Variants in FHL1 observed in about 807,000 individuals in gnomAD.
The protein encoded by FHL1 is four and a half LIM domains protein 1.
A neutral mutation model predicts 20.3 loss-of-function variants in FHL1; 1 was observed. That is an observed-to-expected ratio of 0.05 (90% CI 0.02 to 0.23). FHL1 has a LOEUF of 0.23. FHL1 is among the 10% of genes least tolerant of loss of function. The pLI, the probability that FHL1 is intolerant of heterozygous loss-of-function variation, is 1.00. For missense variants in FHL1, 177 were observed against 234.0 expected (o/e 0.76, Z 1.59); for synonymous variants, 82 against 88.9 (o/e 0.92, Z 0.44).
At chrX:136,165,177 CTTGT>C (rs1237138874), upstream of FHL1, among the ~76,000 whole-genome samples, 6 of 111,365 alleles carry the variant, frequency 5.4e-5, no homozygotes, top group Non-Finnish European at 9.4e-5. Context: ...CCAGTTTTTG[CTTGT>C]TTATTAAATG....
chrX:136,181,994 T>C (rs1188343436), intron 2 of FHL1, among the ~76,000 whole-genome samples: 1 of 112,390 alleles, frequency 8.9e-6, no homozygotes, highest in Non-Finnish European at 1.9e-5. Context: ...TAAATTGCTA[T>C]AGAATGCTGT....
At chrX:136,194,550 T>G (rs1349680081), upstream of FHL1, among the ~76,000 whole-genome samples, 1 of 111,636 alleles carries the variant, frequency 9.0e-6, no homozygotes, top group Non-Finnish European at 1.9e-5. Flanking sequence ...CTAGAAGGCC[T>G]GAAATGTAAC....
intron 2 of FHL1, among the ~76,000 whole-genome samples, chrX:136,179,088 G>T (rs1014498262): frequency 6.3e-5 from 7 of 111,947 alleles, no homozygotes; most frequent in Non-Finnish European, 1.1e-4. Context: ...ATTCATTAGG[G>T]CTACAAATTC....
intron 2 of FHL1, among the ~76,000 whole-genome samples, chrX:136,175,219 G>GA (rs1569528980): frequency 8.9e-6 from 1 of 112,252 alleles, no homozygotes; most frequent in East Asian, 2.8e-4. Context: ...GAAATGCATG[G>GA]AAAACACTCA....
chrX:136,204,925 A>G (rs1284205796), intron 1 of FHL1: 1 of 112,396 alleles, frequency 8.9e-6, no homozygotes, highest in Non-Finnish European at 1.9e-5. Context: ...GCTTTCAGTT[A>G]GTGGAAGAGC....
At position 136,207,887 on chromosome X, in the gene FHL1, C is replaced by T; in HGVS notation, c.475C>T (p.Pro159Ser). ...KQVIGTGSFF[P>S]KGEDFYCVTC... ...AGTCATCGGGACTGGAAGCTTCTTCCCTAAAGGGGAGGACTTCTACTGCGT... is the reference window on the plus strand; with the variant it reads ...AGTCATCGGGACTGGAAGCTTCTTCTCTAAAGGGGAGGACTTCTACTGCGT... Residue 159 changes from proline (P) to serine (S), a missense_variant, in exon 4 of 6, where the codon CCT (proline) becomes TCT (serine). Pro to Ser is a moderately conservative substitution (Grantham distance 74). Coordinates refer to ENST00000370683, the MANE Select transcript of FHL1 (RefSeq NM_001159699.2). 8.3e-7 allele frequency: 1 copy of T among 1,212,068 alleles called. No individual in the cohort carries two copies. The highest frequency in any genetic ancestry group is 1.1e-6 in the Non-Finnish European group (1 of 895,494).
intron 2 of FHL1, among the ~76,000 whole-genome samples, chrX:136,177,192 G>T (rs1370227444): frequency 8.9e-6 from 1 of 111,904 alleles, no homozygotes; most frequent in African/African-American, 3.2e-5. Context: ...TTTTTTAAAA[G>T]TATCTCCTTT....
chrX:136,206,479 GGAA>G lies in FHL1; in HGVS notation c.100_102del (p.Lys34del). Reference sequence around the variant, plus strand: ...CACTACTGCAGGGATCCCTTGCAGGGGAAGAAGTATGTGCAAAAGGATGGCCAC... The same window carrying G: ...CACTACTGCAGGGATCCCTTGCAGGGGAAGTATGTGCAAAAGGATGGCCAC... On this transcript the variant is annotated inframe_deletion, in exon 2 of 6. Transcript: ENST00000370683. 8.2e-7 allele frequency: 1 copy of G among 1,212,425 alleles called. No homozygotes were observed. Among genetic ancestry groups the G allele is most frequent in the Non-Finnish European group, 1.1e-6 (1 of 895,659 alleles).
At position 136,207,851 on chromosome X, in the gene FHL1, A is replaced by G. The variant is rs2073886764; in HGVS notation, c.439A>G (p.Asn147Asp). The G allele has an allele frequency of 4.1e-6, 5 of 1,210,710 alleles. No homozygotes were observed. The highest frequency in any genetic ancestry group is 5.6e-6 in the Non-Finnish European group (5 of 895,297). ...VWHKDCFTCS[N>D]CKQVIGTGSF... is the part of the protein sequence containing the mutation. ...GCACAAAGACTGCTTCACCTGTAGTAACTGCAAGCAAGTCATCGGGACTGG... is the reference window on the plus strand; with the variant it reads ...GCACAAAGACTGCTTCACCTGTAGTGACTGCAAGCAAGTCATCGGGACTGG... The change falls in exon 4 of 6, where the codon AAC (asparagine) becomes GAC (aspartate). Residue 147 changes from asparagine (N) to aspartate (D), a missense_variant. Physicochemically the swap from Asn to Asp is conservative, Grantham distance 23. Transcript: ENST00000370683.
intron 1 of FHL1, among the ~76,000 whole-genome samples, chrX:136,162,453 C>T (rs1432347838): frequency 8.9e-6 from 1 of 112,057 alleles, no homozygotes; most frequent in African/African-American, 3.2e-5. Flanking sequence ...CCAGACCAGC[C>T]TGGGCAACAT....
At chrX:136,190,349 A>G (rs1005852003) in intron 2 of FHL1, among the ~76,000 whole-genome samples, 1 of 112,312 alleles carries the variant, frequency 8.9e-6, no homozygotes, top group Non-Finnish European at 1.9e-5. Context: ...CTGTTTAGGT[A>G]GAGCCTCTGC....
At chrX:136,189,938 T>C (rs185874644) in intron 2 of FHL1, among the ~76,000 whole-genome samples, 1 of 112,350 alleles carries the variant, frequency 8.9e-6, no homozygotes, top group Non-Finnish European at 1.9e-5. Flanking sequence ...CTTAAATTTC[T>C]TTCATGGAAG....
chrX:136,195,642 C>T (rs2073538221), upstream of FHL1, among the ~76,000 whole-genome samples: 1 of 112,160 alleles, frequency 8.9e-6, no homozygotes, highest in Non-Finnish European at 1.9e-5. Context: ...TGTCAGTTGT[C>T]TTTTAGAATA....
upstream of FHL1, chrX:136,196,991 T>C (rs1019514734): frequency 3.4e-5 from 35 of 1,031,005 alleles, no homozygotes; most frequent in African/African-American, 6.2e-4. Context: ...ACATCTGCTC[T>C]CGGTTATTTT....
chrX:136,147,254 G>A, upstream of FHL1: 1 of 125,784 alleles, frequency 8.0e-6, no homozygotes. Context: ...CGCGTGCCCG[G>A]CCCTCTCCAG....
chrX:136,169,286 G>C (rs1040265774), upstream of FHL1: 2 of 119,514 alleles, frequency 1.7e-5, no homozygotes, highest in African/African-American at 6.6e-5. Flanking sequence ...GGTTGGGAAC[G>C]GCACAAGGCA....
chrX:136,189,210 T>G lies in FHL1; in HGVS notation c.-26-17197T>G, dbSNP rs189732541. ...GGGAAGACCCTCTGCAGCTCAAGAC[T>G]GGACAGGTGACCTAGACCTATTGGG... On this transcript the variant is annotated intron_variant, in intron 2 of 6. Coordinates refer to the FHL1 transcript ENST00000394153. 2.0e-4 allele frequency among the ~76,000 whole-genome samples: 22 copies of G among 112,153 alleles called. No individual in the cohort carries two copies. In the East Asian group the frequency reaches 5.9e-3, roughly 30 times the overall value.
At chrX:136,153,603 A>G (rs757581026) in intron 1 of FHL1, among the ~76,000 whole-genome samples, 2 of 112,163 alleles carry the variant, frequency 1.8e-5, no homozygotes, top group African/African-American at 6.5e-5. Context: ...ACTTGCAAGA[A>G]TGAATGATCC....
In FHL1 at chrX:136,202,173, T is replaced by C. The variant is rs2073727693; in HGVS notation, c.23-4234T>C. Among the ~76,000 whole-genome samples the C allele has an allele frequency of 5.4e-5, 6 of 110,807 alleles. No homozygotes were observed. In the South Asian group the frequency reaches 1.9e-3, roughly 36 times the overall value. On this transcript the variant is annotated intron_variant, in intron 1 of 5. Transcript: ENST00000370683. ...TGAGGTCAGGAGTTCAAGACCAGCC[T>C]GCCCGACATGGCGAAACCCCGTCTC...
Sources: gnomAD v4.1 joint callset for allele counts (sites outside exome capture counted in the v4.1 genomes callset) on GRCh38, gnomAD v4.1.1 for gene constraint, MANE v1.5 for transcripts, NCBI Gene and HGNC (gene_info 2026-07-23, HGNC 2026-07-21) for gene names.